The following NTSR1 variants were observed in gnomAD, a reference collection of about 807,000 sequenced individuals.
NTSR1 encodes neurotensin receptor 1.
A neutral mutation model predicts 31.2 loss-of-function variants in NTSR1; 29 were observed. That is an observed-to-expected ratio of 0.93 (90% CI 0.69 to 1.27). NTSR1 has a LOEUF of 1.27. Ranked by LOEUF, NTSR1 falls within the 50% of genes most tolerant of loss-of-function variation. NTSR1 has a pLI of 0.00. For missense variants in NTSR1, 697 were observed against 595.4 expected (o/e 1.17, Z -1.78); for synonymous variants, 282 against 269.9 (o/e 1.04, Z -0.44).
chr20:62,719,965 C>G (rs1157879226), intron 1 of NTSR1, among the ~76,000 whole-genome samples: 1 of 152,156 alleles, frequency 6.6e-6, no homozygotes. Context: ...GCAAAACCAT[C>G]CGGGCCTGGA....
chr20:62,735,786 G>A (rs900736485), intron 1 of NTSR1, among the ~76,000 whole-genome samples: 3 of 152,300 alleles, frequency 2.0e-5, no homozygotes, highest in East Asian at 3.9e-4. Context: ...TGCGACCGGG[G>A]ACCAGGGACA....
chr20:62,745,275 A>G lies in NTSR1; in HGVS notation c.715-9410A>G, dbSNP rs1989280011. ...GACACAGAGAGACATGGAGAGAGAC[A>G]CAGAGACAGAGAAACAGACACATAG... is the stretch of plus-strand genomic sequence containing the variant. On this transcript the variant is annotated intron_variant, in intron 1 of 3. Transcript: ENST00000370501. This position sits in a 1 kb window ranked among gnomAD's most constrained non-coding sequence, Gnocchi z 4.1. 6.6e-6 allele frequency among the ~76,000 whole-genome samples: 1 copy of G among 152,158 alleles called. No homozygotes were observed. The highest frequency in any genetic ancestry group is 2.4e-5 in the African/African-American group (1 of 41,446).
Position 62,743,191 on chromosome 20 carries a change from A to C in NTSR1, c.715-11494A>C, listed in dbSNP as rs1247075283. Among the ~76,000 whole-genome samples, 1 of 149,374 alleles carries C rather than the reference A, an allele frequency of 6.7e-6. No homozygotes were observed. The highest frequency in any genetic ancestry group is 2.5e-5 in the African/African-American group (1 of 39,946). On this transcript the variant is annotated intron_variant, in intron 1 of 3. Transcript: ENST00000370501. This position sits in a 1 kb window ranked among gnomAD's most constrained non-coding sequence, Gnocchi z 7.5. ...CCTCATTGCTCCCTGCCCCCGGTCCAGTCAGCTGAGTGCCCCGTGGTGTGG... is the reference window on the plus strand; with the variant it reads ...CCTCATTGCTCCCTGCCCCCGGTCCCGTCAGCTGAGTGCCCCGTGGTGTGG...
rs1317804323 is a variant in NTSR1, at chr20:62,743,749, A to G, written c.715-10936A>G. On this transcript the variant is annotated intron_variant, in intron 1 of 3. Transcript: ENST00000370501. The surrounding 1 kb of genome is among the most constrained non-coding windows in gnomAD (Gnocchi z 7.5). ...GGGGCTGTCTCTTGATCTAAACACAATGGGATGAATTAGAGAGAAAGGCAG... is the reference window on the plus strand; with the variant it reads ...GGGGCTGTCTCTTGATCTAAACACAGTGGGATGAATTAGAGAGAAAGGCAG... Among the ~76,000 whole-genome samples the G allele has an allele frequency of 6.6e-6, 1 of 152,228 alleles. No individual in the cohort carries two copies. Among genetic ancestry groups the G allele is most frequent in the Non-Finnish European group, 1.5e-5 (1 of 68,042 alleles).
chr20:62,717,365 G>C (rs972118873), intron 1 of NTSR1, among the ~76,000 whole-genome samples: 3 of 152,356 alleles, frequency 2.0e-5, no homozygotes, highest in African/African-American at 7.2e-5. Context: ...GAGATCAGGA[G>C]AATGCTTCCC....
chr20:62,744,538 G>T lies in NTSR1; in HGVS notation c.715-10147G>T, dbSNP rs1330729615. 7.2e-6 allele frequency among the ~76,000 whole-genome samples: 1 copy of T among 139,844 alleles called. No individual in the cohort carries two copies. Among genetic ancestry groups the T allele is most frequent in the East Asian group, 2.1e-4 (1 of 4,878 alleles). 91.7% of individuals were successfully genotyped at this position (139,844 alleles called of 152,430 possible). A position where few individuals can be genotyped will look rare whatever the true frequency, so the allele number is the denominator to read the frequency against. ...CCACTGCACTCCAGCCTGGGTGACA[G>T]AACAAGACTCCGTCTCAAAAAAAAA... is the stretch of plus-strand genomic sequence containing the variant. On this transcript the variant is annotated intron_variant, in intron 1 of 3. Coordinates refer to ENST00000370501, the MANE Select transcript of NTSR1 (RefSeq NM_002531.3). This position sits in a 1 kb window ranked among gnomAD's most constrained non-coding sequence, Gnocchi z 4.1.
chr20:62,743,135 C>T lies in NTSR1; in HGVS notation c.715-11550C>T, dbSNP rs766411472. ...AGCACGGAGCCGCCCCTGCTGGACA[C>T]GTATCCCGGCCATCTCAGGCCCACC... is the stretch of plus-strand genomic sequence containing the variant. On this transcript the variant is annotated intron_variant, in intron 1 of 3. Transcript: ENST00000370501. The surrounding 1 kb of genome is among the most constrained non-coding windows in gnomAD (Gnocchi z 7.5). 7.8e-4 allele frequency among the ~76,000 whole-genome samples: 116 copies of T among 149,528 alleles called. 3 individuals carry two copies. Among genetic ancestry groups the T allele is most frequent in the Non-Finnish European group, 1.5e-3 (99 of 68,004 alleles).
In NTSR1 at chr20:62,758,004, G is replaced by A. The variant is rs373676621; in HGVS notation, c.917-262G>A. 8.3e-3 allele frequency among the ~76,000 whole-genome samples: 1,235 copies of A among 148,508 alleles called. 6 individuals are homozygous for A. Among genetic ancestry groups the A allele is most frequent in the East Asian group, 0.033 (168 of 5,018 alleles). The stretch of plus-strand genomic sequence containing the variant: ...AGGTGCAGTGGGTCTCTGAGCCCAC[G>A]TCTCTGTGCCTCAGGTGCAGTGGGT... On this transcript the variant is annotated intron_variant, in intron 2 of 3. Coordinates refer to ENST00000370501, the MANE Select transcript of NTSR1 (RefSeq NM_002531.3). This position sits in a 1 kb window ranked among gnomAD's most constrained non-coding sequence, Gnocchi z 4.5.
chr20:62,718,572 C>A (rs552091028), intron 1 of NTSR1, among the ~76,000 whole-genome samples: 212 of 113,750 alleles, frequency 1.9e-3, no homozygotes, highest in Middle Eastern at 9.7e-3. Flanking sequence ...ACCCACTGGT[C>A]CGCTCTCCTC....
At position 62,709,377 on chromosome 20, in the gene NTSR1, AC is replaced by A. The variant is rs1988546842; in HGVS notation, c.171del (p.Asn57LysfsTer10). On this transcript the variant is annotated frameshift_variant, in exon 1 of 4. Transcript: ENST00000370501. LOFTEE classifies it high-confidence loss of function. The stretch of plus-strand genomic sequence containing the variant: ...GCACCCAGCAGCGAGCTGGACGTGA[AC>A]ACCGACATCTACTCCAAGGTGCTGG... ...LAAPSSELDVNTDIYSKVLVT... is the reference protein window; with the variant it reads ...LAAPSSELDVXTDIYSKVLVT... 6.2e-7 allele frequency: 1 copy of A among 1,608,170 alleles called. No individual in the cohort carries two copies. Among genetic ancestry groups the A allele is most frequent in the Admixed American group, 1.7e-5 (1 of 59,818 alleles).
At chr20:62,737,938 C>T (rs1160257870) in intron 1 of NTSR1, among the ~76,000 whole-genome samples, 1 of 96,674 alleles carries the variant, frequency 1.0e-5, no homozygotes, top group Admixed American at 1.2e-4. Context: ...TTCAGCCCTG[C>T]AGCCTCTGCG....
At position 62,744,143 on chromosome 20, in the gene NTSR1, TC is replaced by T. The variant is rs1989254200; in HGVS notation, c.715-10539del. Among the ~76,000 whole-genome samples, 1 of 152,144 alleles carries T rather than the reference TC, an allele frequency of 6.6e-6. No individual in the cohort carries two copies. Among genetic ancestry groups the T allele is most frequent in the Non-Finnish European group, 1.5e-5 (1 of 68,022 alleles). ...CCAGCCGTCGCCCCAGCGTGTCCCA[TC>T]CCAGCCTCCCAAGCCGCAGTCCTGT... On this transcript the variant is annotated intron_variant, in intron 1 of 3. Coordinates refer to ENST00000370501, the MANE Select transcript of NTSR1 (RefSeq NM_002531.3). The surrounding 1 kb of genome is among the most constrained non-coding windows in gnomAD (Gnocchi z 4.1).
Position 62,760,262 on chromosome 20 carries a change from T to C in NTSR1, c.1252T>C (p.Tyr418His). 6.2e-7 allele frequency: 1 copy of C among 1,607,082 alleles called. No homozygotes were observed. The highest frequency in any genetic ancestry group is 1.3e-5 in the African/African-American group (1 of 74,964). Reference sequence around the variant, plus strand: ...CAGCAATGCCACCCGCGAGACGCTGTACTAGGCTGTGCGCCCCGGAACGTG... The same window carrying C: ...CAGCAATGCCACCCGCGAGACGCTGCACTAGGCTGTGCGCCCCGGAACGTG... ...LSSNATRETLY is the reference protein window; with the variant it reads ...LSSNATRETLH The change falls in exon 4 of 4, where the codon TAC becomes CAC. Residue 418 changes from tyrosine (Y) to histidine (H), a missense_variant. Coordinates refer to ENST00000370501, the MANE Select transcript of NTSR1 (RefSeq NM_002531.3).
rs1217246902 is a variant in NTSR1, at chr20:62,760,603, G to A, written c.*336G>A. 4.0e-6 allele frequency: 1 copy of A among 249,624 alleles called. No homozygotes were observed. The highest frequency in any genetic ancestry group is 4.9e-5 in the Admixed American group (1 of 20,368). 15.5% of individuals were successfully genotyped at this position (249,624 alleles called of 1,614,324 possible). ...TTTCTTTGTTCTCAGACTAATGGAT[G>A]GTTCCAGAGAAGGAAATGAAAGGTG... On this transcript the variant is annotated 3_prime_UTR_variant, in exon 4 of 4. Coordinates refer to ENST00000370501, the MANE Select transcript of NTSR1 (RefSeq NM_002531.3).
chr20:62,758,351 GA>G lies in NTSR1; in HGVS notation c.1003del (p.Thr335LeufsTer14). 1 of 1,613,390 alleles carries G rather than the reference GA, an allele frequency of 6.2e-7. No individual in the cohort carries two copies. Among genetic ancestry groups the G allele is most frequent in the South Asian group, 1.1e-5 (1 of 91,072 alleles). ...TCTGCTACATCTCGGATGAGCAGTG[GA>G]CTCCGTGAGTACCGGGAACCAGGAA... ...MFCYISDEQW[T>X]PFLYDFYHYF... is the part of the protein sequence containing the mutation. On this transcript the variant is annotated frameshift_variant, in exon 3 of 4. Transcript: ENST00000370501. LOFTEE classifies it high-confidence loss of function. This position sits in a 1 kb window ranked among gnomAD's most constrained non-coding sequence, Gnocchi z 4.5.
At chr20:62,734,702 C>G (rs939265570) in intron 1 of NTSR1, among the ~76,000 whole-genome samples, 6 of 151,902 alleles carry the variant, frequency 3.9e-5, no homozygotes, top group African/African-American at 1.2e-4. Flanking sequence ...TGAAGATGAG[C>G]TTCAGCCTGA....
In NTSR1 at chr20:62,725,618, A is replaced by C. The variant is rs144825939; in HGVS notation, c.714+15697A>C. 3.5e-3 allele frequency among the ~76,000 whole-genome samples: 525 copies of C among 152,122 alleles called. 3 individuals are homozygous for C. The highest frequency in any genetic ancestry group is 5.1e-3 in the Non-Finnish European group (350 of 67,982). ...GCCTCATCTGCTGTCCCTGAGCTCA[A>C]TGTCTTCCAGCTGCTGGTTGGAGGT... On this transcript the variant is annotated intron_variant, in intron 1 of 3. Coordinates refer to ENST00000370501, the MANE Select transcript of NTSR1 (RefSeq NM_002531.3).
rs539976300 is a variant in NTSR1 at position 62,733,384 on chromosome 20, G to A, written c.715-21301G>A. On this transcript the variant is annotated intron_variant, in intron 1 of 3. Coordinates refer to ENST00000370501, the MANE Select transcript of NTSR1 (RefSeq NM_002531.3). The surrounding 1 kb of genome is among the most constrained non-coding windows in gnomAD (Gnocchi z 5.2). ...AAGCTTGCTGCGCTCCTTTCCGGGA[G>A]CAAATGAGCATCTCTCGGGACAGTT... Among the ~76,000 whole-genome samples the A allele has an allele frequency of 3.3e-5, 5 of 152,332 alleles. No individual in the cohort carries two copies. Among genetic ancestry groups the A allele is most frequent in the African/African-American group, 1.2e-4 (5 of 41,574 alleles).
chr20:62,737,614 GC>G, intron 1 of NTSR1, among the ~76,000 whole-genome samples: 1 of 152,162 alleles, frequency 6.6e-6, no homozygotes, highest in South Asian at 2.1e-4. Flanking sequence ...GGAGAGAGAT[GC>G]CGTCCCTGCC....
Sources: gnomAD v4.1 joint callset for allele counts (sites outside exome capture counted in the v4.1 genomes callset) on GRCh38, gnomAD v4.1.1 for gene constraint, Gnocchi (gnomAD v3.1) non-coding constraint, MANE v1.5 for transcripts, NCBI Gene and HGNC (gene_info 2026-07-23, HGNC 2026-07-21) for gene names.